Variants in NUDT7 observed in about 807,000 individuals in gnomAD.
NUDT7 encodes nudix hydrolase 7.
In NUDT7, 19 loss-of-function variants were observed where a neutral mutation model predicts 13.1. The ratio of observed to expected loss-of-function variants is 1.45; its 90% CI spans 1.01 to 2.13. The LOEUF is 2.13. Ranked by LOEUF, NUDT7 falls within the 30% of genes most tolerant of loss-of-function variation. The pLI is 0.00. For missense variants in NUDT7, 360 were observed against 291.7 expected, an observed-to-expected ratio of 1.23 and a Z score of -1.71; for synonymous variants, 132 against 109.7, an observed-to-expected ratio of 1.20 and a Z score of -1.27.
chr16:77,726,070 G>A (rs938197420), intron 2 of NUDT7, among the ~76,000 whole-genome samples: 2 of 152,106 alleles, frequency 1.3e-5, no homozygotes, highest in Non-Finnish European at 2.9e-5. Flanking sequence ...CCCACCAAGG[G>A]CCACTGTTTT....
At position 77,722,633 on chromosome 16, in the gene NUDT7, GC is replaced by G. The variant is rs2013994075; in HGVS notation, c.35+19del. Reference sequence around the variant, plus strand: ...AGCCAGTCAGGTAAAGGCTTTCCGGGCCCTGGCACCCCGAGCTTGGTCAGGC... The same window carrying G: ...AGCCAGTCAGGTAAAGGCTTTCCGGGCCTGGCACCCCGAGCTTGGTCAGGC... On this transcript the variant is annotated intron_variant, in intron 1 of 3. Transcript: ENST00000268533. 3 of 1,587,112 alleles carry G rather than the reference GC, an allele frequency of 1.9e-6. No homozygotes were observed. Among genetic ancestry groups the G allele is most frequent in the Non-Finnish European group, 1.7e-6 (2 of 1,166,032 alleles).
At chr16:77,725,710 G>C (rs138957204) in intron 2 of NUDT7, 126 bp downstream of exon 2, 19 of 763,424 alleles carry the variant, frequency 2.5e-5, no homozygotes, top group Non-Finnish European at 3.8e-5. Flanking sequence ...TGATGTCAGA[G>C]GCATACAACC....
intron 2 of NUDT7, among the ~76,000 whole-genome samples, chr16:77,725,986 C>T (rs1388186889): frequency 6.6e-6 from 1 of 152,142 alleles, no homozygotes; most frequent in African/African-American, 2.4e-5. Context: ...GTCCAGTATG[C>T]CAGTAGCACA....
chr16:77,734,604 A>G (rs1196711643), intron 2 of NUDT7, among the ~76,000 whole-genome samples: 1 of 152,220 alleles, frequency 6.6e-6, no homozygotes, highest in Non-Finnish European at 1.5e-5. Flanking sequence ...CGTGGGACAC[A>G]GAGCGGGACT....
intron 2 of NUDT7, among the ~76,000 whole-genome samples, chr16:77,731,268 G>A (rs751445489): frequency 1.4e-4 from 21 of 152,042 alleles, no homozygotes; most frequent in Non-Finnish European, 2.6e-4. Context: ...GAATAAAATT[G>A]GTATGCTATG....
chr16:77,726,140 G>A (rs2145103769), intron 2 of NUDT7, among the ~76,000 whole-genome samples: 1 of 152,330 alleles, frequency 6.6e-6, no homozygotes, highest in South Asian at 2.1e-4. Flanking sequence ...AACGGCCTAG[G>A]CTCTAAAGCT....
intron 3 of NUDT7, chr16:77,736,737 A>ATT (rs1294748730): frequency 4.1e-6 from 1 of 241,150 alleles, no homozygotes; most frequent in Non-Finnish European, 8.8e-6. Context: ...AAGTGCTGGG[A>ATT]TTACAGGTGT....
chr16:77,736,418 A>AT (rs1339624264), intron 3 of NUDT7, among the ~76,000 whole-genome samples: 3 of 152,134 alleles, frequency 2.0e-5, no homozygotes, highest in Non-Finnish European at 4.4e-5. Context: ...AAGGATATTC[A>AT]TTTTTCTACA....
At chr16:77,729,227 T>C (rs2014236817) in intron 2 of NUDT7, among the ~76,000 whole-genome samples, 1 of 152,248 alleles carries the variant, frequency 6.6e-6, no homozygotes, top group Non-Finnish European at 1.5e-5. Flanking sequence ...ATATTTTCTT[T>C]TTTAAAAACA....
chr16:77,728,291 G>A (rs1285617194), intron 2 of NUDT7, among the ~76,000 whole-genome samples: 2 of 152,074 alleles, frequency 1.3e-5, no homozygotes, highest in Non-Finnish European at 2.9e-5. Flanking sequence ...GGAGTGCAGT[G>A]GCGTGATCTC....
intron 2 of NUDT7, among the ~76,000 whole-genome samples, chr16:77,726,761 C>T (rs947691048): frequency 2.0e-5 from 3 of 151,860 alleles, no homozygotes; most frequent in South Asian, 2.1e-4. Flanking sequence ...TGTGCCACTG[C>T]GCTCCAGCCT....
intron 2 of NUDT7, among the ~76,000 whole-genome samples, chr16:77,734,390 G>A (rs551859883): frequency 1.3e-5 from 2 of 152,176 alleles, no homozygotes; most frequent in Non-Finnish European, 1.5e-5. Context: ...TTGGGAGGCC[G>A]AGGAGGGCAG....
intron 3 of NUDT7, 115 bp from the exon 4 acceptor site, chr16:77,741,467 C>T (rs1193117317): frequency 2.8e-6 from 3 of 1,086,996 alleles, no homozygotes; most frequent in South Asian, 1.6e-5. Flanking sequence ...AAGCTTTCTT[C>T]CCCTTCTCCC....
At chr16:77,729,218 T>A (rs2014236511) in intron 2 of NUDT7, among the ~76,000 whole-genome samples, 1 of 152,252 alleles carries the variant, frequency 6.6e-6, no homozygotes, top group African/African-American at 2.4e-5. Flanking sequence ...AACAGCGTAA[T>A]ATTTTCTTTT....
At chr16:77,734,768 T>A (rs1170219951) in intron 2 of NUDT7, among the ~76,000 whole-genome samples, 1 of 151,768 alleles carries the variant, frequency 6.6e-6, no homozygotes, top group Non-Finnish European at 1.5e-5. Flanking sequence ...CAAAAACATA[T>A]GTGAAGGGAA....
At chr16:77,726,448 G>A (rs1470722487) in intron 2 of NUDT7, among the ~76,000 whole-genome samples, 2 of 152,154 alleles carry the variant, frequency 1.3e-5, no homozygotes, top group African/African-American at 4.8e-5. Context: ...ATAATGGGCT[G>A]GGAATGGAGT....
chr16:77,726,748 G>C (rs2063898320), intron 2 of NUDT7, among the ~76,000 whole-genome samples: 1 of 152,144 alleles, frequency 6.6e-6, no homozygotes, highest in South Asian at 2.1e-4. Flanking sequence ...AGTGAGCCGA[G>C]ATTGTGCCAC....
intron 2 of NUDT7, among the ~76,000 whole-genome samples, chr16:77,735,073 C>T (rs1412972987): frequency 6.6e-6 from 1 of 152,088 alleles, no homozygotes; most frequent in Non-Finnish European, 1.5e-5. Flanking sequence ...ACAACATGCC[C>T]AGAACATAAT....
At chr16:77,726,596 A>G (rs1286591611) in intron 2 of NUDT7, among the ~76,000 whole-genome samples, 1 of 152,156 alleles carries the variant, frequency 6.6e-6, no homozygotes, top group Admixed American at 6.5e-5. Context: ...GCAGTTCGAG[A>G]CAAGCCTGAC....
Sources: gnomAD v4.1 joint callset for allele counts (sites outside exome capture counted in the v4.1 genomes callset) on GRCh38, gnomAD v4.1.1 for gene constraint, MANE v1.5 for transcripts, NCBI Gene and HGNC (gene_info 2026-07-23, HGNC 2026-07-21) for gene names.